Variants in LRCOL1 observed in about 807,000 individuals in gnomAD.
The protein encoded by LRCOL1 is leucine rich colipase like 1, also known as leucine-rich colipase-like protein 1.
LRCOL1 carries 21 observed loss-of-function variants against 21.6 expected under a neutral mutation model. That is an observed-to-expected ratio of 0.97 (90% confidence interval 0.69 to 1.40). The LOEUF (loss-of-function observed/expected upper bound fraction) is 1.40. Among genes scored for constraint, LRCOL1 ranks in the 40% most tolerant of loss-of-function variants. The pLI is 0.00. For synonymous variants in LRCOL1, 98 were observed against 90.1 expected (o/e 1.09, Z -0.49); for missense variants, 198 against 202.3 (o/e 0.98, Z 0.13).
chr12:132,607,310 A>G (rs1346505333), intron 1 of LRCOL1, among the ~76,000 whole-genome samples: 1 of 152,218 alleles, frequency 6.6e-6, no homozygotes, highest in East Asian at 1.9e-4. Context: ...TAGACTCCAC[A>G]ATTCATGAAA....
chr12:132,606,583 C>G lies in LRCOL1; in HGVS notation c.-13-319G>C, dbSNP rs1250167134. 1.3e-5 allele frequency among the ~76,000 whole-genome samples: 2 copies of G among 152,192 alleles called. No individual in the cohort carries two copies. The highest frequency in any genetic ancestry group is 2.9e-5 in the Non-Finnish European group (2 of 68,034). On this transcript the variant is annotated intron_variant, in intron 1 of 5. Transcript: ENST00000376608. This position sits in a 1 kb window ranked among gnomAD's most constrained non-coding sequence, Gnocchi z 4.6. ...TGCCATCATCACCCGGAGTCCACAG[C>G]TCAGCCGGTGTGTGCCTGCTGCGGG...
chr12:132,609,632 G>T (rs2041350990), intron 1 of LRCOL1, among the ~76,000 whole-genome samples: 2 of 151,096 alleles, frequency 1.3e-5, no homozygotes, highest in Admixed American at 1.3e-4. Context: ...TGGAGGCAAA[G>T]GTTGCAGTGA....
At chr12:132,603,543 C>A in intron 5 of LRCOL1, 139 bp from the exon 6 acceptor site, 1 of 1,499,394 alleles carries the variant, frequency 6.7e-7, no homozygotes, top group South Asian at 1.2e-5. Flanking sequence ...GAGGCCGACG[C>A]CCACGCTCAG....
intron 2 of LRCOL1, among the ~76,000 whole-genome samples, chr12:132,605,598 G>A (rs775807856): frequency 1.6e-4 from 25 of 151,736 alleles, no homozygotes; most frequent in Non-Finnish European, 1.9e-4. Flanking sequence ...GCGTGGTGGC[G>A]CGCGCCTGTA....
rs2041358447 is a variant in LRCOL1, at chr12:132,610,532, T to G, written c.-223A>C. The G allele has an allele frequency of 1.3e-5, 2 of 152,152 alleles. No homozygotes were observed. The highest frequency in any genetic ancestry group is 4.8e-5 in the African/African-American group (2 of 41,406). 9.4% of individuals were successfully genotyped at this position (152,152 alleles called of 1,614,324 possible). A position where few individuals can be genotyped will look rare whatever the true frequency, so the allele number is the denominator to read the frequency against. Reference sequence around the variant, plus strand: ...GGAGAAAGACGCTCATCTCCCCACATGAGAGGCTCAGTGTAGGCGTCTGGA... The same window carrying G: ...GGAGAAAGACGCTCATCTCCCCACAGGAGAGGCTCAGTGTAGGCGTCTGGA... On this transcript the variant is annotated 5_prime_UTR_variant, in exon 1 of 6. It removes an upstream start codon present in the reference 5' UTR. Transcript: ENST00000376608.
At chr12:132,605,009 G>T (rs1315524111) in intron 2 of LRCOL1, 178 bp from the exon 3 acceptor site, 1 of 1,428,162 alleles carries the variant, frequency 7.0e-7, no homozygotes, top group African/African-American at 1.4e-5. Context: ...TCAGTGCTGG[G>T]GGCCCGGGGC....
At position 132,603,266 on chromosome 12, in the gene LRCOL1, C is replaced by A; in HGVS notation, c.*136G>T. ...GCTGGTCACAGCCTTTCAGTTCCCA[C>A]AGATTTTCAGAGCCCCAGAAACAGC... is the stretch of plus-strand genomic sequence containing the variant. On this transcript the variant is annotated 3_prime_UTR_variant, in exon 6 of 6. Transcript: ENST00000376608. 7.3e-7 allele frequency: 1 copy of A among 1,361,130 alleles called. No individual in the cohort carries two copies. Among genetic ancestry groups the A allele is most frequent in the South Asian group, 1.3e-5 (1 of 76,878 alleles). 84.3% of individuals were successfully genotyped at this position (1,361,130 alleles called of 1,614,324 possible).
rs1027802889 is a variant in LRCOL1, at chr12:132,603,314, T to C, written c.*88A>G. ...AGCAGCACAAACCGTAAGGGAAGCT[T>C]CCGCTGGAACCAGCCCCCGCGCAAC... is the stretch of plus-strand genomic sequence containing the variant. On this transcript the variant is annotated 3_prime_UTR_variant, in exon 6 of 6. Coordinates refer to ENST00000376608, the MANE Select transcript of LRCOL1 (RefSeq NM_001195520.2). The C allele has an allele frequency of 7.2e-6, 11 of 1,518,998 alleles. No homozygotes were observed. The highest frequency in any genetic ancestry group is 9.7e-6 in the Non-Finnish European group (11 of 1,132,462). The allele number at this position is 1,518,998 out of a possible 1,614,324, so 94.1% of individuals were successfully genotyped here.
rs546073086 is a variant in LRCOL1 at position 132,603,898 on chromosome 12, C to T, written c.477+356G>A. ...GAGGGAGGGGAGAAGCCAGGACCCT[C>T]CTCCTCCAGGGCTGGTGAGGCTGTT... On this transcript the variant is annotated intron_variant, in intron 5 of 5. Coordinates refer to ENST00000376608, the MANE Select transcript of LRCOL1 (RefSeq NM_001195520.2). 379 of 1,196,762 alleles carry T rather than the reference C, an allele frequency of 3.2e-4. 3 individuals carry two copies. In the African/African-American group the frequency reaches 5.7e-3, roughly 18 times the overall value. The allele number at this position is 1,196,762 out of a possible 1,614,324, so 74.1% of individuals were successfully genotyped here. A position where few individuals can be genotyped will look rare whatever the true frequency, so the allele number is the denominator to read the frequency against.
At chr12:132,605,049 G>A (rs151294759) in intron 2 of LRCOL1, 209 of 1,384,388 alleles carry the variant, frequency 1.5e-4, no homozygotes, top group East Asian at 2.0e-4. Flanking sequence ...TGTGAGCCAC[G>A]TGGAAGAGGG....
chr12:132,603,522 G>C (rs1366436906), intron 5 of LRCOL1, 118 bp from the exon 6 acceptor site: 2 of 1,526,586 alleles, frequency 1.3e-6, no homozygotes, highest in African/African-American at 1.4e-5. Context: ...TGGGGGTCGG[G>C]ACAGCACCCA....
At position 132,606,216 on chromosome 12, in the gene LRCOL1, C is replaced by CAGT; in HGVS notation, c.35_36insACT (p.Leu18dup). 6.5e-7 allele frequency: 1 copy of CAGT among 1,536,548 alleles called. No individual in the cohort carries two copies. Among genetic ancestry groups the CAGT allele is most frequent in the Non-Finnish European group, 8.7e-7 (1 of 1,146,888 alleles). The stretch of plus-strand genomic sequence containing the variant: ...TGGACCCCAGCAGCAGCAGCAGCAG[C>CAGT]AGCAGTAGCAGCAGCGTCCACCCCG... On this transcript the variant is annotated inframe_insertion, in exon 2 of 6. Transcript: ENST00000376608. The surrounding 1 kb of genome is among the most constrained non-coding windows in gnomAD (Gnocchi z 4.6).
chr12:132,604,174 T>C (rs1449522253), intron 5 of LRCOL1, 80 bp downstream of exon 5: 8 of 1,470,194 alleles, frequency 5.4e-6, no homozygotes, highest in Non-Finnish European at 7.2e-6. Context: ...GCGGTCCCGG[T>C]CCAGTTGCTG....
intron 1 of LRCOL1, among the ~76,000 whole-genome samples, chr12:132,608,094 C>T (rs182791684): frequency 1.5e-3 from 235 of 152,300 alleles, no homozygotes; most frequent in Admixed American, 2.4e-3. Flanking sequence ...ATCTCGCGTG[C>T]ACTCAGGGGA....
chr12:132,604,402 G>A lies in LRCOL1; in HGVS notation c.355-26C>T, dbSNP rs954762458. On this transcript the variant is annotated intron_variant, in intron 4 of 5. Transcript: ENST00000376608. ...CTGGGGAGGCAGCCAGGCAGCAGTCGTGGAGAGGGGCTGTCTCCGGCTACC... is the reference window on the plus strand; with the variant it reads ...CTGGGGAGGCAGCCAGGCAGCAGTCATGGAGAGGGGCTGTCTCCGGCTACC... 24 of 1,534,334 alleles carry A rather than the reference G, an allele frequency of 1.6e-5. No homozygotes were observed. In the African/African-American group the frequency reaches 2.2e-4, roughly 14 times the overall value.
intron 1 of LRCOL1, among the ~76,000 whole-genome samples, chr12:132,609,573 G>C (rs529492722): frequency 6.6e-6 from 1 of 152,030 alleles, no homozygotes; most frequent in South Asian, 2.1e-4. Context: ...GGTGCATCCC[G>C]GTAGTCCCAG....
At chr12:132,603,982 C>A in intron 5 of LRCOL1, 1 of 1,321,118 alleles carries the variant, frequency 7.6e-7, no homozygotes, top group African/African-American at 1.5e-5. Context: ...CCTGGGTCCC[C>A]CTCCCCGCGG....
intron 1 of LRCOL1, among the ~76,000 whole-genome samples, chr12:132,609,800 C>G (rs1219470048): frequency 6.6e-6 from 1 of 151,942 alleles, no homozygotes; most frequent in Non-Finnish European, 1.5e-5. Flanking sequence ...GGTGCTGTTG[C>G]CCCTGGGATG....
intron 1 of LRCOL1, among the ~76,000 whole-genome samples, chr12:132,607,085 G>A (rs548969214): frequency 8.8e-4 from 134 of 152,330 alleles, no homozygotes; most frequent in African/African-American, 3.0e-3. Context: ...ATCAGATGAA[G>A]CAGCGGCATT....
Sources: gnomAD v4.1 joint callset for allele counts (sites outside exome capture counted in the v4.1 genomes callset) on GRCh38, gnomAD v4.1.1 for gene constraint, Gnocchi (gnomAD v3.1) non-coding constraint, MANE v1.5 for transcripts, NCBI Gene and HGNC (gene_info 2026-07-23, HGNC 2026-07-21) for gene names.